TANGO6: variants seen among roughly 807,000 people sequenced by gnomAD.
TANGO6 encodes transport and Golgi organization protein 6 homolog.
A neutral mutation model predicts 114.2 loss-of-function variants in TANGO6; 90 were observed. The ratio of observed to expected loss-of-function variants is 0.79; its 90% CI spans 0.66 to 0.94. The LOEUF is 0.94. TANGO6 is among the 40% of genes least tolerant of loss of function. The pLI is 0.00. For missense variants in TANGO6, 1,274 were observed against 1,315.3 expected, an observed-to-expected ratio of 0.97 and a Z score of 0.49; for synonymous variants, 477 against 509.8, an observed-to-expected ratio of 0.94 and a Z score of 0.87.
intron 9 of TANGO6, among the ~76,000 whole-genome samples, chr16:68,904,907 T>C (rs1962829799): frequency 6.6e-6 from 1 of 152,146 alleles, no homozygotes; most frequent in Admixed American, 6.5e-5. Flanking sequence ...AAGACCAGCC[T>C]GGGCAACATA....
chr16:68,987,917 A>G (rs1467675637), intron 15 of TANGO6, among the ~76,000 whole-genome samples: 2 of 152,194 alleles, frequency 1.3e-5, no homozygotes, highest in Non-Finnish European at 1.5e-5. Context: ...ATACTGAGCA[A>G]CTTTTCATAT....
At chr16:69,073,811 T>C (rs1960331615) in intron 17 of TANGO6, among the ~76,000 whole-genome samples, 1 of 151,494 alleles carries the variant, frequency 6.6e-6, no homozygotes, top group Non-Finnish European at 1.5e-5. Context: ...AAAAATTAGC[T>C]CGGCATGGTG....
chr16:68,954,921 G>A (rs1194614073), intron 14 of TANGO6, among the ~76,000 whole-genome samples: 1 of 152,070 alleles, frequency 6.6e-6, no homozygotes, highest in Admixed American at 6.6e-5. Context: ...TATTTTTCAT[G>A]TTTTCTAATA....
intron 4 of TANGO6, among the ~76,000 whole-genome samples, chr16:68,868,787 C>T (rs546147490): frequency 1.3e-5 from 2 of 152,054 alleles, no homozygotes; most frequent in South Asian, 4.2e-4. Flanking sequence ...ATGATCCTGG[C>T]CATTTACTTC....
intron 4 of TANGO6, among the ~76,000 whole-genome samples, chr16:68,872,545 G>T (rs910791206): frequency 1.7e-4 from 25 of 150,608 alleles, no homozygotes; most frequent in African/African-American, 5.9e-4. Context: ...CAGGTGATCC[G>T]CCCGCCTTGG....
intron 16 of TANGO6, among the ~76,000 whole-genome samples, chr16:69,030,816 C>T (rs772382911): frequency 1.1e-4 from 17 of 151,816 alleles, no homozygotes; most frequent in African/African-American, 1.9e-4. Context: ...CTTTAGGAGG[C>T]GGAGGTGGGC....
At chr16:68,858,407 G>T (rs1186266644) in intron 1 of TANGO6, among the ~76,000 whole-genome samples, 2 of 152,026 alleles carry the variant, frequency 1.3e-5, no homozygotes, top group African/African-American at 2.4e-5. Flanking sequence ...TACATATAGG[G>T]TTATTTAGGG....
In TANGO6 at chr16:68,875,329, C is replaced by T. The variant is rs201013243; in HGVS notation, c.1131+39C>T. The T allele has an allele frequency of 1.4e-4, 223 of 1,596,766 alleles. 4 individuals are homozygous for T. In the East Asian group the frequency reaches 4.8e-3, roughly 35 times the overall value. ...TTTCTATTGATCATTTGAGGATTAT[C>T]TGCTTATTTACAGAAAGAGGACTTT... On this transcript the variant is annotated intron_variant, in intron 5 of 17. Coordinates refer to ENST00000261778, the MANE Select transcript of TANGO6 (RefSeq NM_024562.2).
chr16:69,066,505 C>A (rs549381185), intron 17 of TANGO6, among the ~76,000 whole-genome samples: 1 of 152,164 alleles, frequency 6.6e-6, no homozygotes, highest in African/African-American at 2.4e-5. Context: ...CCATGTTGGC[C>A]AGGCTGGTCT....
At chr16:68,979,614 C>G (rs1483437324) in intron 15 of TANGO6, among the ~76,000 whole-genome samples, 2 of 152,036 alleles carry the variant, frequency 1.3e-5, no homozygotes, top group Non-Finnish European at 2.9e-5. Flanking sequence ...TGTCTGTACC[C>G]TCAAAAGTAT....
intron 15 of TANGO6, among the ~76,000 whole-genome samples, chr16:68,985,365 C>G (rs1341337738): frequency 6.6e-6 from 1 of 152,048 alleles, no homozygotes; most frequent in Non-Finnish European, 1.5e-5. Context: ...TTGGTTCTTT[C>G]CTTGGGATTG....
At chr16:68,935,548 G>A (rs776411239) in intron 14 of TANGO6, among the ~76,000 whole-genome samples, 23 of 152,052 alleles carry the variant, frequency 1.5e-4, no homozygotes, top group Non-Finnish European at 3.1e-4. Context: ...AAAACTGTGT[G>A]TATCTCTGTT....
chr16:69,015,205 T>C (rs1959272742), intron 15 of TANGO6, among the ~76,000 whole-genome samples: 2 of 152,064 alleles, frequency 1.3e-5, no homozygotes, highest in African/African-American at 2.4e-5. Flanking sequence ...AGATCTAGGC[T>C]ATGTATGTGA....
intron 14 of TANGO6, among the ~76,000 whole-genome samples, chr16:68,972,761 T>A (rs1237505242): frequency 6.6e-6 from 1 of 152,020 alleles, no homozygotes; most frequent in Non-Finnish European, 1.5e-5. Context: ...CTAAGACAAA[T>A]GAAGCAGGGT....
intron 17 of TANGO6, among the ~76,000 whole-genome samples, chr16:69,074,482 T>TA (rs1359269592): frequency 2.6e-5 from 4 of 152,210 alleles, no homozygotes; most frequent in Non-Finnish European, 5.9e-5. Flanking sequence ...CCACCCTAGA[T>TA]ACAATACTCG....
chr16:69,083,743 T>TG lies in TANGO6; in HGVS notation c.*83dup. On this transcript the variant is annotated 3_prime_UTR_variant, in exon 18 of 18. Transcript: ENST00000261778. ...CAGGTCTTCCAGCAGGTGGCCCTGCTGCCTCTTGAGTGCTGGCAGCATGGC... is the reference window on the plus strand; with the variant it reads ...CAGGTCTTCCAGCAGGTGGCCCTGCTGGCCTCTTGAGTGCTGGCAGCATGGC... 1 of 1,460,990 alleles carries TG rather than the reference T, an allele frequency of 6.8e-7. No individual in the cohort carries two copies. The highest frequency in any genetic ancestry group is 2.5e-5 in the East Asian group (1 of 40,418). The allele number at this position is 1,460,990 out of a possible 1,614,324, so 90.5% of individuals were successfully genotyped here.
At chr16:68,931,104 A>T (rs981039938) in intron 14 of TANGO6, among the ~76,000 whole-genome samples, 1 of 152,074 alleles carries the variant, frequency 6.6e-6, no homozygotes, top group Admixed American at 6.6e-5. Flanking sequence ...TCTAGAGAGG[A>T]TGTAGAGAAT....
intron 1 of TANGO6, among the ~76,000 whole-genome samples, chr16:68,843,953 C>T (rs1961764499): frequency 6.6e-6 from 1 of 152,196 alleles, no homozygotes; most frequent in African/African-American, 2.4e-5. Context: ...TGAGCATTTG[C>T]CTTGTGCTGG....
intron 15 of TANGO6, among the ~76,000 whole-genome samples, chr16:68,987,657 A>C (rs1414088954): frequency 1.3e-5 from 2 of 152,232 alleles, no homozygotes; most frequent in South Asian, 4.1e-4. Flanking sequence ...GGCATGAGCC[A>C]CTGCACCCAG....
Sources: gnomAD v4.1 joint callset for allele counts (sites outside exome capture counted in the v4.1 genomes callset) on GRCh38, gnomAD v4.1.1 for gene constraint, MANE v1.5 for transcripts, NCBI Gene and HGNC (gene_info 2026-07-23, HGNC 2026-07-21) for gene names.